TNIK: variants seen among roughly 807,000 people sequenced by gnomAD.
TNIK encodes the protein TRAF2 and NCK interacting kinase, also known as TRAF2 and NCK-interacting protein kinase.
Under a neutral mutation model 191.3 loss-of-function variants are expected in TNIK, and 49 were observed. The ratio of observed to expected loss-of-function variants is 0.26; its 90% CI spans 0.20 to 0.32. TNIK has a LOEUF of 0.32. Among genes scored for constraint, TNIK ranks in the 10% least tolerant of loss-of-function variants. The pLI, the probability that TNIK is intolerant of heterozygous loss-of-function variation, is 1.00. For missense variants in TNIK, 1,155 were observed against 1,702.3 expected, an observed-to-expected ratio of 0.68 and a Z score of 5.66; for synonymous variants, 594 against 600.9, an observed-to-expected ratio of 0.99 and a Z score of 0.17.
chr3:171,450,511 C>A (rs1179097669), intron 1 of TNIK, among the ~76,000 whole-genome samples: 1 of 152,194 alleles, frequency 6.6e-6, no homozygotes, highest in Non-Finnish European at 1.5e-5. Flanking sequence ...TTGGACAAGA[C>A]AAGTAACTTC....
At chr3:171,341,080 C>T (rs1405183056) in intron 2 of TNIK, among the ~76,000 whole-genome samples, 2 of 152,080 alleles carry the variant, frequency 1.3e-5, no homozygotes, top group Non-Finnish European at 1.5e-5. Context: ...GCTATTAATG[C>T]AGTTGTAAAT....
At chr3:171,208,728 T>C (rs1740420675) in intron 4 of TNIK, among the ~76,000 whole-genome samples, 1 of 152,072 alleles carries the variant, frequency 6.6e-6, no homozygotes, top group Admixed American at 6.5e-5. Context: ...CACCTAATTT[T>C]TTTGTATTTT....
At chr3:171,079,394 A>G in intron 28 of TNIK, 124 bp downstream of exon 28, 3 of 1,138,014 alleles carry the variant, frequency 2.6e-6, no homozygotes, top group Middle Eastern at 2.4e-4. Flanking sequence ...TGAAGGTTCC[A>G]GCAACATCTG....
chr3:171,313,910 A>G (rs1754321809), intron 2 of TNIK, among the ~76,000 whole-genome samples: 1 of 152,174 alleles, frequency 6.6e-6, no homozygotes, highest in Non-Finnish European at 1.5e-5. Context: ...ACATCATCTG[A>G]TAAGTGTGAT....
chr3:171,135,438 T>C (rs1364020292), intron 15 of TNIK, among the ~76,000 whole-genome samples: 1 of 152,242 alleles, frequency 6.6e-6, no homozygotes, highest in East Asian at 1.9e-4. Flanking sequence ...ATTGCTCCAG[T>C]CCTAAATTTA....
chr3:171,439,654 A>T (rs1227891249), intron 1 of TNIK: 3 of 152,218 alleles, frequency 2.0e-5, no homozygotes, highest in African/African-American at 7.2e-5. Flanking sequence ...TTATTATTAT[A>T]TAAATTACAC....
intron 2 of TNIK, among the ~76,000 whole-genome samples, chr3:171,251,789 T>C (rs1746253933): frequency 6.6e-6 from 1 of 152,188 alleles, no homozygotes; most frequent in Admixed American, 6.5e-5. Flanking sequence ...CCTTTGAATA[T>C]AGAAAAATAA....
chr3:171,238,234 AT>A (rs1577212415), intron 2 of TNIK, among the ~76,000 whole-genome samples: 1 of 152,130 alleles, frequency 6.6e-6, no homozygotes, highest in Non-Finnish European at 1.5e-5. Context: ...TTTCAAAAAA[AT>A]TCATAAAATT....
At chr3:171,421,916 G>A (rs1300669461) in intron 1 of TNIK, among the ~76,000 whole-genome samples, 1 of 151,804 alleles carries the variant, frequency 6.6e-6, no homozygotes, top group Non-Finnish European at 1.5e-5. Context: ...ATTTTTAGTA[G>A]AGACGGGGTT....
At chr3:171,163,337 T>C (rs557200591) in intron 10 of TNIK, among the ~76,000 whole-genome samples, 1 of 152,302 alleles carries the variant, frequency 6.6e-6, no homozygotes, top group African/African-American at 2.4e-5. Context: ...CTTGAAGACA[T>C]TTGCACATCC....
rs576120715 is a variant in TNIK at position 171,080,087 on chromosome 3, G to A, written c.3314-435C>T. On this transcript the variant is annotated intron_variant, in intron 27 of 32. Coordinates refer to ENST00000436636, the MANE Select transcript of TNIK (RefSeq NM_015028.4). The stretch of plus-strand genomic sequence containing the variant: ...CACCGTATAACCTAATAACAAACAA[G>A]AGGATAATATGGGTTCAGAAAATTA... 3.9e-5 allele frequency among the ~76,000 whole-genome samples: 6 copies of A among 152,294 alleles called. No homozygotes were observed. The South Asian group carries it at 1.2e-3, about 32-fold the overall frequency.
chr3:171,069,849 T>C (rs1232986443), intron 29 of TNIK, among the ~76,000 whole-genome samples: 3 of 152,244 alleles, frequency 2.0e-5, no homozygotes, highest in Non-Finnish European at 2.9e-5. Context: ...TTCTCATCTT[T>C]TGCTAACACC....
At chr3:171,157,046 T>C (rs1362841627) in intron 12 of TNIK, among the ~76,000 whole-genome samples, 1 of 152,218 alleles carries the variant, frequency 6.6e-6, no homozygotes, top group Non-Finnish European at 1.5e-5. Flanking sequence ...CTTGTCCTGA[T>C]GGAGCTTAAA....
At chr3:171,099,676 G>A (rs972250858) in intron 22 of TNIK, among the ~76,000 whole-genome samples, 3 of 152,156 alleles carry the variant, frequency 2.0e-5, no homozygotes, top group Admixed American at 6.6e-5. Flanking sequence ...GCACAGAAGA[G>A]GGGGCAGGCT....
intron 12 of TNIK, among the ~76,000 whole-genome samples, 184 bp from the exon 13 acceptor site, chr3:171,140,693 G>T (rs1430550243): frequency 1.3e-5 from 2 of 152,172 alleles, no homozygotes; most frequent in Non-Finnish European, 2.9e-5. Context: ...GAGAGAGAGA[G>T]ATTCAGTGTC....
chr3:171,458,053 T>C (rs915288694), intron 1 of TNIK, among the ~76,000 whole-genome samples: 4 of 152,094 alleles, frequency 2.6e-5, no homozygotes, highest in Non-Finnish European at 5.9e-5. Flanking sequence ...CACATCAGAC[T>C]GCTTTCCAGT....
intron 1 of TNIK, among the ~76,000 whole-genome samples, chr3:171,423,969 C>T (rs1283035640): frequency 1.3e-5 from 2 of 152,068 alleles, no homozygotes; most frequent in South Asian, 2.1e-4. Context: ...CAACAAAAGC[C>T]AAAATTGACA....
At chr3:171,180,854 A>G (rs1736565184) in intron 7 of TNIK, among the ~76,000 whole-genome samples, 2 of 152,324 alleles carry the variant, frequency 1.3e-5, no homozygotes, top group South Asian at 4.1e-4. Flanking sequence ...AATCCATAAA[A>G]TAATTACTTC....
At chr3:171,187,604 A>G (rs2108821538) in intron 7 of TNIK, among the ~76,000 whole-genome samples, 1 of 152,288 alleles carries the variant, frequency 6.6e-6, no homozygotes, top group African/African-American at 2.4e-5. Flanking sequence ...TCAATTGATA[A>G]ATTGGAGATT....
Sources: allele counts gnomAD v4.1 joint callset (sites outside exome capture counted in the v4.1 genomes callset), GRCh38; gene constraint gnomAD v4.1.1; transcripts MANE v1.5; gene names NCBI Gene and HGNC (gene_info 2026-07-23, HGNC 2026-07-21).